Variants in SV2B observed in about 807,000 individuals in gnomAD.
The protein encoded by SV2B is solute carrier family 22 member B2.
A neutral mutation model predicts 73.9 loss-of-function variants in SV2B; 41 were observed. The ratio of observed to expected loss-of-function variants is 0.56; its 90% confidence interval spans 0.43 to 0.72. The LOEUF is 0.72. Ranked by LOEUF, SV2B falls within the 30% of genes least tolerant of loss-of-function variation. The probability of loss-of-function intolerance (pLI) is 0.00; values close to 1 mark genes in which losing one functional copy is unlikely to be tolerated. For synonymous variants in SV2B, 314 were observed against 314.2 expected, an observed-to-expected ratio of 1.00 and a Z score of 0.01; for missense variants, 764 against 857.8, an observed-to-expected ratio of 0.89 and a Z score of 1.37.
chr15:91,184,903 G>A (rs1286948614), intron 1 of SV2B, among the ~76,000 whole-genome samples: 3 of 152,136 alleles, frequency 2.0e-5, no homozygotes, highest in African/African-American at 7.2e-5. Context: ...TATACCTAGT[G>A]TACTAATGAT....
Position 91,184,567 on chromosome 15 carries a change from A to G in SV2B, c.-391-41306A>G, listed in dbSNP as rs547451284. ...TGGAGCCTCTGCTGCCTTTCGACTC[A>G]TCACTGTGGTACCTTTCTATTCCCC... On this transcript the variant is annotated intron_variant, in intron 1 of 12. Transcript: ENST00000394232. Among the ~76,000 whole-genome samples the G allele has an allele frequency of 2.0e-5, 3 of 152,222 alleles. 1 individual carries two copies. Among genetic ancestry groups the G allele is most frequent in the African/African-American group, 7.2e-5 (3 of 41,522 alleles).
intron 7 of SV2B, chr15:91,266,949 A>T (rs571888667): frequency 5.6e-6 from 2 of 354,530 alleles, no homozygotes; most frequent in South Asian, 1.4e-4. Flanking sequence ...TTGAATGTAG[A>T]TAAAATGTCT....
At chr15:91,205,885 G>A (rs1596580360) in intron 1 of SV2B, among the ~76,000 whole-genome samples, 2 of 152,166 alleles carry the variant, frequency 1.3e-5, no homozygotes, top group Admixed American at 6.6e-5. Flanking sequence ...CAGCAGTCAC[G>A]CACTGGAGGA....
At chr15:91,114,532 G>A (rs2042125903) in intron 1 of SV2B, among the ~76,000 whole-genome samples, 5 of 152,198 alleles carry the variant, frequency 3.3e-5, no homozygotes, top group Admixed American at 3.3e-4. Flanking sequence ...TGGTGTTGCT[G>A]GCGCCCAGGG....
intron 1 of SV2B, among the ~76,000 whole-genome samples, chr15:91,176,019 C>T (rs866763941): frequency 6.6e-6 from 1 of 151,856 alleles, no homozygotes; most frequent in Non-Finnish European, 1.5e-5. Flanking sequence ...AGGTATATCT[C>T]CTAATGCTAT....
At chr15:91,161,286 AT>A (rs34070547) in intron 1 of SV2B, among the ~76,000 whole-genome samples, 61,264 of 151,856 alleles carry the variant, frequency 0.4, 12,881 homozygotes, top group East Asian at 0.7. Flanking sequence ...AAATGGGTGA[AT>A]TTTTTTTGTA....
Position 91,209,123 on chromosome 15 carries a change from T to G in SV2B, c.-391-16750T>G, listed in dbSNP as rs199981868. Among the ~76,000 whole-genome samples the G allele has an allele frequency of 3.3e-3, 467 of 141,816 alleles. 11 individuals carry two copies. The East Asian group carries it at 0.052, about 16-fold the overall frequency. The allele number at this position is 141,816 out of a possible 152,430, so 93.0% of individuals were successfully genotyped here. On this transcript the variant is annotated intron_variant, in intron 1 of 12. Transcript: ENST00000394232. ...GGCAGTACTGTTTTTTGTTTTTTTTTTTTTTTTTTTTTTTTTGAGACAGAG... is the reference window on the plus strand; with the variant it reads ...GGCAGTACTGTTTTTTGTTTTTTTTGTTTTTTTTTTTTTTTTGAGACAGAG...
At chr15:91,158,709 CTCTCCTCTCCTCTCCTCT>C (rs2043595702) in intron 1 of SV2B, among the ~76,000 whole-genome samples, 1 of 93,998 alleles carries the variant, frequency 1.1e-5, no homozygotes, top group African/African-American at 4.3e-5. Context: ...CTCTCCTCTC[CTCTCCTCTCCTCTCCTCT>C]CTTCTCCTCT....
intron 1 of SV2B, among the ~76,000 whole-genome samples, chr15:91,170,006 C>G (rs2044064369): frequency 6.6e-6 from 1 of 152,218 alleles, no homozygotes. Context: ...GCCTTAGACA[C>G]CATCCAGTGA....
At position 91,280,874 on chromosome 15, in the gene SV2B, T is replaced by C. The variant is rs1190137184; in HGVS notation, c.1374-854T>C. On this transcript the variant is annotated intron_variant, in intron 9 of 12. Coordinates refer to ENST00000394232, the MANE Select transcript of SV2B (RefSeq NM_001323032.3). The surrounding 1 kb of genome is among the most constrained non-coding windows in gnomAD (Gnocchi z 5.8). The stretch of plus-strand genomic sequence containing the variant: ...AGTTTCTTGTGTAGCTCTCCAGATA[T>C]ATTTGGAAGCATATGTATCCATGCC... 1.3e-5 allele frequency among the ~76,000 whole-genome samples: 2 copies of C among 152,204 alleles called. No individual in the cohort carries two copies. Among genetic ancestry groups the C allele is most frequent in the African/African-American group, 2.4e-5 (1 of 41,440 alleles).
At chr15:91,171,846 G>A (rs1405494176) in intron 1 of SV2B, among the ~76,000 whole-genome samples, 3 of 152,082 alleles carry the variant, frequency 2.0e-5, no homozygotes, top group Non-Finnish European at 4.4e-5. Context: ...GGCTGTTGGT[G>A]GATCTATCTC....
rs1214923638 is a variant in SV2B, at chr15:91,132,818, C to T, written c.-392+32455C>T. Among the ~76,000 whole-genome samples, 2 of 151,590 alleles carry T rather than the reference C, an allele frequency of 1.3e-5. No individual in the cohort carries two copies. The highest frequency in any genetic ancestry group is 4.9e-5 in the African/African-American group (2 of 41,236). Reference sequence around the variant, plus strand: ...TCGCACCACTGCACTCCAGCCTGGGCAACAGAGTGAGATCCTGTCTCTCAA... The same window carrying T: ...TCGCACCACTGCACTCCAGCCTGGGTAACAGAGTGAGATCCTGTCTCTCAA... On this transcript the variant is annotated intron_variant, in intron 1 of 12. Coordinates refer to ENST00000394232, the MANE Select transcript of SV2B (RefSeq NM_001323032.3). This position sits in a 1 kb window ranked among gnomAD's most constrained non-coding sequence, Gnocchi z 4.6.
Position 91,293,524 on chromosome 15 carries a change from G to T in SV2B, c.*972G>T, listed in dbSNP as rs920411162. ...CTTCTCTCCCTTACACAGATGACTT[G>T]TGAAACTCAAGCTCACCATCTTCAG... On this transcript the variant is annotated 3_prime_UTR_variant, in exon 13 of 13. Coordinates refer to ENST00000394232, the MANE Select transcript of SV2B (RefSeq NM_001323032.3). The T allele has an allele frequency of 1.3e-5, 2 of 152,184 alleles. No homozygotes were observed. The highest frequency in any genetic ancestry group is 2.9e-5 in the Non-Finnish European group (2 of 68,038). 9.4% of individuals were successfully genotyped at this position (152,184 alleles called of 1,614,324 possible). A position where few individuals can be genotyped will look rare whatever the true frequency, so the allele number is the denominator to read the frequency against.
intron 1 of SV2B, among the ~76,000 whole-genome samples, chr15:91,114,992 G>T (rs1352283751): frequency 3.3e-5 from 5 of 152,176 alleles, no homozygotes; most frequent in African/African-American, 1.2e-4. Context: ...CCCAACTGGG[G>T]TCACATGCCC....
intron 1 of SV2B, among the ~76,000 whole-genome samples, chr15:91,167,044 A>C (rs1429216684): frequency 6.6e-6 from 1 of 151,940 alleles, no homozygotes; most frequent in Non-Finnish European, 1.5e-5. Flanking sequence ...TGATCTCCTG[A>C]CCTCGTGATC....
rs779180211 is a variant in SV2B, at chr15:91,223,612, G to A, written c.-391-2261G>A. On this transcript the variant is annotated intron_variant, in intron 1 of 12. Transcript: ENST00000394232. This position sits in a 1 kb window ranked among gnomAD's most constrained non-coding sequence, Gnocchi z 4.6. ...ACACACCAGATCTCAGTCAGGTGGC[G>A]TTCTTTCCATGTTTTTATAGCGCTC... Among the ~76,000 whole-genome samples, 11 of 152,140 alleles carry A rather than the reference G, an allele frequency of 7.2e-5. No individual in the cohort carries two copies. The highest frequency in any genetic ancestry group is 1.9e-4 in the East Asian group (1 of 5,200).
In SV2B at chr15:91,297,635, G is replaced by T. The variant is rs2049297917; in HGVS notation, c.*5083G>T. 6.6e-6 allele frequency: 1 copy of T among 152,166 alleles called. No homozygotes were observed. The highest frequency in any genetic ancestry group is 1.5e-5 in the Non-Finnish European group (1 of 68,032). The allele number at this position is 152,166 out of a possible 1,614,324, so 9.4% of individuals were successfully genotyped here. On this transcript the variant is annotated 3_prime_UTR_variant, in exon 13 of 13. Coordinates refer to ENST00000394232, the MANE Select transcript of SV2B (RefSeq NM_001323032.3). This position sits in a 1 kb window ranked among gnomAD's most constrained non-coding sequence, Gnocchi z 5.1. ...AGCACTGACACTCTTCCAATAGGTG[G>T]TACTTTGACTTGTCAGGGAAGTTCT...
intron 1 of SV2B, among the ~76,000 whole-genome samples, chr15:91,219,933 G>A (rs1207908726): frequency 2.0e-5 from 3 of 152,200 alleles, no homozygotes; most frequent in Non-Finnish European, 4.4e-5. Flanking sequence ...GTTCACCCAG[G>A]TTATAGTTTG....
In SV2B at chr15:91,140,147, G is replaced by C. The variant is rs2042957409; in HGVS notation, c.-392+39784G>C. On this transcript the variant is annotated intron_variant, in intron 1 of 12. Transcript: ENST00000394232. The surrounding 1 kb of genome is among the most constrained non-coding windows in gnomAD (Gnocchi z 4.4). Reference sequence around the variant, plus strand: ...ACCGAGTTTGAGAACCACTGGTGTAGGCAAACATTTCTGAGCTGTTGTCCA... The same window carrying C: ...ACCGAGTTTGAGAACCACTGGTGTACGCAAACATTTCTGAGCTGTTGTCCA... Among the ~76,000 whole-genome samples, 1 of 152,180 alleles carries C rather than the reference G, an allele frequency of 6.6e-6. No homozygotes were observed. The highest frequency in any genetic ancestry group is 2.4e-5 in the African/African-American group (1 of 41,438).
Sources: allele counts gnomAD v4.1 joint callset (sites outside exome capture counted in the v4.1 genomes callset), GRCh38; gene constraint gnomAD v4.1.1; non-coding constraint Gnocchi (gnomAD v3.1); transcripts MANE v1.5; gene names NCBI Gene and HGNC (gene_info 2026-07-23, HGNC 2026-07-21).